Variants in B4GALNT3 observed in about 807,000 individuals in gnomAD.
B4GALNT3 encodes beta-1,4-N-acetylgalactosaminyltransferase 3.
A neutral mutation model predicts 120.2 loss-of-function variants in B4GALNT3; 86 were observed. The ratio of observed to expected loss-of-function variants is 0.72; its 90% CI spans 0.60 to 0.86. The LOEUF (loss-of-function observed/expected upper bound fraction) is 0.86, where lower values mean the gene tolerates loss of function less well. Ranked by LOEUF, B4GALNT3 falls within the 40% of genes least tolerant of loss-of-function variation. The pLI, the probability that B4GALNT3 is intolerant of heterozygous loss-of-function variation, is 0.00. For synonymous variants in B4GALNT3, 518 were observed against 510.4 expected, an observed-to-expected ratio of 1.01 and a Z score of -0.20; for missense variants, 1,167 against 1,298.9, an observed-to-expected ratio of 0.90 and a Z score of 1.56.
At chr12:512,789 C>CCTTCCGCCTTCCACCTT (rs1946605172) in intron 1 of B4GALNT3, among the ~76,000 whole-genome samples, 1 of 150,544 alleles carries the variant, frequency 6.6e-6, no homozygotes, top group Non-Finnish European at 1.5e-5. Flanking sequence ...CTTCCTTCCA[C>CCTTCCGCCTTCCACCTT]CTTCCGCCTT....
rs1341265321 is a variant in B4GALNT3 at position 548,966 on chromosome 12, G to A, written c.853+669G>A. On this transcript the variant is annotated intron_variant, in intron 9 of 19. Transcript: ENST00000266383. The surrounding 1 kb of genome is among the most constrained non-coding windows in gnomAD (Gnocchi z 4.9). ...GAGTCCAATCCCCTATTTTCCAGAT[G>A]AGGTAACCACGGTTCTTGCAAAGCC... Among the ~76,000 whole-genome samples the A allele has an allele frequency of 6.6e-6, 1 of 152,208 alleles. No individual in the cohort carries two copies. The highest frequency in any genetic ancestry group is 1.5e-5 in the Non-Finnish European group (1 of 68,034).
At chr12:524,620 G>A (rs1946743862) in intron 1 of B4GALNT3, among the ~76,000 whole-genome samples, 1 of 146,078 alleles carries the variant, frequency 6.8e-6, no homozygotes, top group Admixed American at 7.0e-5. Flanking sequence ...GTCTGTGTGA[G>A]ATACTTGTTA....
chr12:479,941 T>A lies in B4GALNT3; in HGVS notation c.169+19396T>A, dbSNP rs557873535. 2.5e-3 allele frequency among the ~76,000 whole-genome samples: 276 copies of A among 111,658 alleles called. 2 individuals are homozygous for A. Among genetic ancestry groups the A allele is most frequent in the African/African-American group, 9.1e-3 (254 of 28,026 alleles). 73.3% of individuals were successfully genotyped at this position (111,658 alleles called of 152,430 possible). On this transcript the variant is annotated intron_variant, in intron 1 of 19. Transcript: ENST00000266383. ...TTTTTTTTTTTTTTTTGAGATGGAG[T>A]CTCGCTCTGTCGCCCAGGCTGGAGT...
intron 1 of B4GALNT3, among the ~76,000 whole-genome samples, chr12:498,878 C>G (rs56817357): frequency 0.035 from 5,312 of 152,234 alleles, 312 homozygotes; most frequent in African/African-American, 0.12. Context: ...CCAAAGCCAG[C>G]AGACTGTGGC....
chr12:552,803 C>G (rs1947100738), intron 13 of B4GALNT3: 1 of 526,918 alleles, frequency 1.9e-6, no homozygotes, highest in Admixed American at 3.5e-5. Context: ...GCTGGAGGGG[C>G]TTGCTGTCCC....
rs370265738 is a variant in B4GALNT3, at chr12:493,716, AT to A, written c.169+33174del. On this transcript the variant is annotated intron_variant, in intron 1 of 19. Coordinates refer to ENST00000266383, the MANE Select transcript of B4GALNT3 (RefSeq NM_173593.4). ...TCCTTAGCAGTTCCTGCTTTTATTC[AT>A]TTGCTTTTTATGTTGCCTCAGACAC... Among the ~76,000 whole-genome samples the A allele has an allele frequency of 5.3e-3, 802 of 151,842 alleles. 8 individuals are homozygous for A. The highest frequency in any genetic ancestry group is 0.019 in the African/African-American group (770 of 41,384).
At chr12:487,614 G>A (rs1180219338) in intron 1 of B4GALNT3, among the ~76,000 whole-genome samples, 7 of 152,140 alleles carry the variant, frequency 4.6e-5, no homozygotes, top group African/African-American at 1.2e-4. Context: ...TTGGGAGGCT[G>A]AGGCAGGAGA....
At chr12:500,865 CTTT>C (rs55927726) in intron 1 of B4GALNT3, among the ~76,000 whole-genome samples, 9 of 61,824 alleles carry the variant, frequency 1.5e-4, no homozygotes, top group East Asian at 6.0e-4. Context: ...GGCTCCACTG[CTTT>C]TTTTTTTTTT....
chr12:529,352 C>T (rs982482577), intron 1 of B4GALNT3, among the ~76,000 whole-genome samples: 3 of 152,212 alleles, frequency 2.0e-5, no homozygotes, highest in African/African-American at 4.8e-5. Flanking sequence ...AACCCTTTAG[C>T]TCCCTGTCTA....
intron 1 of B4GALNT3, among the ~76,000 whole-genome samples, chr12:520,568 T>TATCTTATGGGATTGCTCAGTAGTTTAATC (rs1946698338): frequency 7.4e-6 from 1 of 135,498 alleles, no homozygotes; most frequent in Non-Finnish European, 1.6e-5. Flanking sequence ...GTAGTTTAAT[T>TATCTTATGGGATTGCTCAGTAGTTTAATC]GGCCATCATA....
intron 1 of B4GALNT3, among the ~76,000 whole-genome samples, chr12:475,754 T>C (rs1946178702): frequency 6.6e-6 from 1 of 152,192 alleles, no homozygotes; most frequent in Non-Finnish European, 1.5e-5. Flanking sequence ...ATCACTGACT[T>C]TCTTTCATTC....
chr12:463,533 T>G (rs527591050), intron 1 of B4GALNT3, among the ~76,000 whole-genome samples: 1 of 152,222 alleles, frequency 6.6e-6, no homozygotes, highest in South Asian at 2.1e-4. Flanking sequence ...CAGGATGTGG[T>G]TTCTAGCATC....
rs1211655667 is a variant in B4GALNT3 at position 550,606 on chromosome 12, C to T, written c.998-316C>T. 6.6e-6 allele frequency among the ~76,000 whole-genome samples: 1 copy of T among 152,212 alleles called. No homozygotes were observed. The highest frequency in any genetic ancestry group is 2.4e-5 in the African/African-American group (1 of 41,464). On this transcript the variant is annotated intron_variant, in intron 10 of 19. Transcript: ENST00000266383. The surrounding 1 kb of genome is among the most constrained non-coding windows in gnomAD (Gnocchi z 4.1). ...ATGGTAGGAAATCCAGTTATCGGTA[C>T]TGTACGAGGGAGGGGACCTTCTGGC...
At chr12:467,965 G>GT (rs1274378492) in intron 1 of B4GALNT3, among the ~76,000 whole-genome samples, 1 of 152,172 alleles carries the variant, frequency 6.6e-6, no homozygotes, top group Non-Finnish European at 1.5e-5. Context: ...TTAGGGTTCA[G>GT]TTTTTTCTTC....
At chr12:479,769 G>A (rs34942834) in intron 1 of B4GALNT3, among the ~76,000 whole-genome samples, 5,140 of 152,020 alleles carry the variant, frequency 0.034, 134 homozygotes, top group Non-Finnish European at 0.055. Context: ...GGGGAACACC[G>A]TGTCCAACTG....
chr12:521,607 C>T (rs903722064), intron 1 of B4GALNT3, among the ~76,000 whole-genome samples: 12 of 152,198 alleles, frequency 7.9e-5, no homozygotes, highest in Non-Finnish European at 1.5e-4. Flanking sequence ...GTTCCTGGGC[C>T]GTCACTGAGT....
intron 1 of B4GALNT3, among the ~76,000 whole-genome samples, chr12:505,903 G>A (rs1314658190): frequency 6.6e-6 from 1 of 152,218 alleles, no homozygotes; most frequent in Non-Finnish European, 1.5e-5. Context: ...TCAGTGACAA[G>A]TGGGAGAGTT....
intron 1 of B4GALNT3, among the ~76,000 whole-genome samples, chr12:485,268 C>T (rs1220937387): frequency 1.1e-4 from 17 of 152,114 alleles, no homozygotes; most frequent in Non-Finnish European, 1.2e-4. Flanking sequence ...CAAGCGTGGG[C>T]ACTGAGAAGA....
chr12:545,811 T>G (rs1300533577), intron 6 of B4GALNT3, among the ~76,000 whole-genome samples: 8 of 28,008 alleles, frequency 2.9e-4, no homozygotes, highest in South Asian at 1.6e-3. Context: ...GAGCGAGGAG[T>G]GGGGAGGAGC....
Sources: allele counts gnomAD v4.1 joint callset (sites outside exome capture counted in the v4.1 genomes callset), GRCh38; gene constraint gnomAD v4.1.1; non-coding constraint Gnocchi (gnomAD v3.1); transcripts MANE v1.5; gene names NCBI Gene and HGNC (gene_info 2026-07-23, HGNC 2026-07-21).